Variants in ADCY5 observed in about 807,000 individuals in gnomAD.
The protein encoded by ADCY5 is adenylate cyclase 5.
A neutral mutation model predicts 119.7 loss-of-function variants in ADCY5; 30 were observed. That is an observed-to-expected ratio of 0.25 (90% CI 0.19 to 0.34). The LOEUF (loss-of-function observed/expected upper bound fraction) is 0.34. Ranked by LOEUF, ADCY5 falls within the 10% of genes least tolerant of loss-of-function variation. ADCY5 has a pLI of 1.00. For missense variants in ADCY5, 1,324 were observed against 1,775.2 expected (o/e 0.75, Z 4.57); for synonymous variants, 753 against 762.2 (o/e 0.99, Z 0.20).
intron 15 of ADCY5, among the ~76,000 whole-genome samples, chr3:123,298,944 T>A (rs907495398): frequency 3.3e-5 from 5 of 151,412 alleles, no homozygotes; most frequent in African/African-American, 1.2e-4. Context: ...GCGTTGATAA[T>A]CCACAGTTCA....
At chr3:123,437,022 T>C (rs936772069) in intron 1 of ADCY5, among the ~76,000 whole-genome samples, 2 of 152,032 alleles carry the variant, frequency 1.3e-5, no homozygotes, top group Non-Finnish European at 2.9e-5. Context: ...TACAAGTGAC[T>C]TTTCTGGGAG....
chr3:123,289,938 C>T lies in ADCY5; in HGVS notation c.3344G>A (p.Arg1115Gln), dbSNP rs148137277. The change falls in exon 19 of 21, where the codon CGG becomes CAG. Residue 1115 changes from arginine (R) to glutamine (Q), a missense_variant. Transcript: ENST00000462833. ...CTTGATCTTCTCCAGCTGCCGGAACCGATCCTCGCTGATGATCTGGATGAA... is the reference window on the plus strand; with the variant it reads ...CTTGATCTTCTCCAGCTGCCGGAACTGATCCTCGCTGATGATCTGGATGAA... ...ADFDEIISED[R>Q]FRQLEKIKTI... 2.2e-5 allele frequency: 36 copies of T among 1,614,044 alleles called. 1 individual carries two copies. The highest frequency in any genetic ancestry group is 1.3e-4 in the African/African-American group (10 of 74,926).
intron 20 of ADCY5, among the ~76,000 whole-genome samples, chr3:123,285,284 C>T (rs1041979024): frequency 2.0e-5 from 3 of 152,212 alleles, no homozygotes; most frequent in African/African-American, 4.8e-5. Flanking sequence ...ATCTAAGTCA[C>T]GAGCCTGAGG....
chr3:123,361,776 A>G (rs1220897867), intron 1 of ADCY5, among the ~76,000 whole-genome samples: 2 of 152,234 alleles, frequency 1.3e-5, no homozygotes, highest in African/African-American at 2.4e-5. Context: ...AAGTCTAAAC[A>G]TGAAATTCAT....
intron 4 of ADCY5, among the ~76,000 whole-genome samples, chr3:123,332,106 G>C (rs1941792741): frequency 6.6e-6 from 1 of 152,224 alleles, no homozygotes; most frequent in Non-Finnish European, 1.5e-5. Context: ...TCCTCTTTCT[G>C]GATGCCGCTA....
intron 1 of ADCY5, among the ~76,000 whole-genome samples, chr3:123,366,044 G>C (rs982324909): frequency 6.6e-5 from 10 of 152,206 alleles, no homozygotes; most frequent in Non-Finnish European, 1.5e-4. Flanking sequence ...AAACGCACTG[G>C]AGTCTGAAAT....
Position 123,352,854 on chromosome 3 carries a change from T to A in ADCY5, c.1135-273A>T. On this transcript the variant is annotated intron_variant, in intron 1 of 20. Transcript: ENST00000462833. The surrounding 1 kb of genome is among the most constrained non-coding windows in gnomAD (Gnocchi z 4.8). ...ATAATCATACTAAACATGCCTATAG[T>A]ACCAGAAATTAAAAGGCTACATGTA... Among the ~76,000 whole-genome samples, 1 of 152,156 alleles carries A rather than the reference T, an allele frequency of 6.6e-6. No individual in the cohort carries two copies. Among genetic ancestry groups the A allele is most frequent in the East Asian group, 1.9e-4 (1 of 5,190 alleles).
At chr3:123,416,473 C>T (rs1945188237) in intron 1 of ADCY5, 9 of 754,590 alleles carry the variant, frequency 1.2e-5, no homozygotes, top group Non-Finnish European at 1.9e-5. Context: ...CTCTAAGGCA[C>T]TGAAGGACGC....
intron 16 of ADCY5, 170 bp downstream of exon 16, chr3:123,297,183 C>T (rs1014148779): frequency 3.8e-6 from 5 of 1,330,010 alleles, no homozygotes; most frequent in Non-Finnish European, 5.3e-6. Flanking sequence ...GCCTCTGCCC[C>T]CCGAGGACGC....
chr3:123,319,900 A>G (rs1229505875), intron 9 of ADCY5, 82 bp from the exon 10 acceptor site: 1 of 1,541,256 alleles, frequency 6.5e-7, no homozygotes, highest in African/African-American at 1.4e-5. Flanking sequence ...CCATCCCCCC[A>G]GACTCTCGGA....
chr3:123,294,528 C>A (rs915193524), intron 17 of ADCY5, among the ~76,000 whole-genome samples: 1 of 152,186 alleles, frequency 6.6e-6, no homozygotes, highest in Non-Finnish European at 1.5e-5. Flanking sequence ...GGGTGCCCGG[C>A]TCCATTTCTG....
chr3:123,325,535 C>T (rs1941443964), intron 7 of ADCY5, 73 bp from the exon 8 acceptor site: 12 of 1,587,560 alleles, frequency 7.6e-6, no homozygotes, highest in Admixed American at 3.3e-5. Context: ...CCCCAAACAT[C>T]GTACCTGGCC....
intron 1 of ADCY5, among the ~76,000 whole-genome samples, chr3:123,394,197 C>T (rs1272728194): frequency 1.3e-5 from 2 of 152,156 alleles, no homozygotes; most frequent in African/African-American, 4.8e-5. Flanking sequence ...ATAATTTTCT[C>T]TCTTCTCTTA....
At chr3:123,357,132 GT>G (rs776496316) in intron 1 of ADCY5, among the ~76,000 whole-genome samples, 23 of 151,898 alleles carry the variant, frequency 1.5e-4, no homozygotes, top group Non-Finnish European at 2.9e-4. Context: ...TGATGGGACT[GT>G]CCTGTATCTT....
intron 1 of ADCY5, among the ~76,000 whole-genome samples, chr3:123,359,165 G>A (rs151311162): frequency 2.8e-4 from 42 of 151,880 alleles, no homozygotes; most frequent in African/African-American, 9.9e-4. Context: ...ATGGTTCACA[G>A]GTGAATGGTG....
chr3:123,432,325 C>T (rs1242298628), intron 1 of ADCY5, among the ~76,000 whole-genome samples: 1 of 152,110 alleles, frequency 6.6e-6, no homozygotes, highest in Non-Finnish European at 1.5e-5. Context: ...TGAGGTCCTC[C>T]CGCATCTCTT....
chr3:123,336,399 C>A (rs1167282108), intron 3 of ADCY5, among the ~76,000 whole-genome samples: 1 of 152,254 alleles, frequency 6.6e-6, no homozygotes, highest in African/African-American at 2.4e-5. Flanking sequence ...GGAGCATGTT[C>A]AGTGAGTATC....
chr3:123,447,662 T>A lies in ADCY5; in HGVS notation c.884A>T (p.Gln295Leu), dbSNP rs1326878332. ...ATAGCAGGCCAGGCCCATGTGGTCC[T>A]GGTGGAAGGCGGCGCGGTTGCAAAG... ...AVLCNRAAFHQDHMGLACYAL... is the reference protein window; with the variant it reads ...AVLCNRAAFHLDHMGLACYAL... Residue 295 changes from glutamine (Q) to leucine (L), a missense_variant, in exon 1 of 21, where the codon CAG becomes CTG. By Grantham distance (113) the Gln-to-Leu change is moderately radical. Around this residue, in one of 6 missense-constraint regions of ADCY5, gnomAD observed 585 missense variants for 569.9 expected, o/e 1.03. Coordinates refer to ENST00000462833, the MANE Select transcript of ADCY5 (RefSeq NM_183357.3). 1 of 1,607,282 alleles carries A rather than the reference T, an allele frequency of 6.2e-7. No homozygotes were observed. The highest frequency in any genetic ancestry group is 1.3e-5 in the African/African-American group (1 of 74,786).
chr3:123,354,966 T>C (rs1559831981), intron 1 of ADCY5, among the ~76,000 whole-genome samples: 1 of 152,214 alleles, frequency 6.6e-6, no homozygotes, highest in South Asian at 2.1e-4. Context: ...ATCTGATCAA[T>C]AGCATATACA....
Sources: allele counts gnomAD v4.1 joint callset (sites outside exome capture counted in the v4.1 genomes callset), GRCh38; gene constraint gnomAD v4.1.1; regional missense constraint gnomAD v4.1.1; non-coding constraint Gnocchi (gnomAD v3.1); transcripts MANE v1.5; gene names NCBI Gene and HGNC (gene_info 2026-07-23, HGNC 2026-07-21).